ZDHHC24: variants seen among roughly 807,000 people sequenced by gnomAD.
ZDHHC24 encodes the protein probable palmitoyltransferase ZDHHC24.
In ZDHHC24, 17 loss-of-function variants were observed where a neutral mutation model predicts 23.2. The ratio of observed to expected loss-of-function variants is 0.73; its 90% confidence interval spans 0.50 to 1.10. ZDHHC24 has a LOEUF of 1.10. Ranked by LOEUF, ZDHHC24 falls within the 50% of genes least tolerant of loss-of-function variation. The probability of loss-of-function intolerance (pLI) is 0.00; values close to 1 mark genes in which losing one functional copy is unlikely to be tolerated. For synonymous variants in ZDHHC24, 186 were observed against 194.5 expected (o/e 0.96, Z 0.36); for missense variants, 366 against 393.0 (o/e 0.93, Z 0.58).
exon 5 of ZDHHC24, chr11:66,521,421 A>AT (rs772547866): frequency 6.7e-7 from 1 of 1,496,646 alleles, no homozygotes; most frequent in Admixed American, 1.7e-5. Context: ...ACATCTCAGA[A>AT]AACTGGTGGC....
In ZDHHC24 at chr11:66,523,654, C is replaced by T. The variant is rs557602559; in HGVS notation, c.*22-2188G>A. 148 of 1,611,216 alleles carry T rather than the reference C, an allele frequency of 9.2e-5. No homozygotes were observed. In the African/African-American group the frequency reaches 1.7e-3, roughly 19 times the overall value. On this transcript the variant is annotated intron_variant, in intron 4 of 4. Coordinates refer to the ZDHHC24 transcript ENST00000526986. ...CTTGGCAAGAGAGTCCTCTGGCTTCCCCACCCCAGAAACCGTTCTTTCCAC... is the reference window on the plus strand; with the variant it reads ...CTTGGCAAGAGAGTCCTCTGGCTTCTCCACCCCAGAAACCGTTCTTTCCAC...
chr11:66,531,947 A>G (rs761149202), downstream of ZDHHC24: 4 of 1,585,812 alleles, frequency 2.5e-6, no homozygotes, highest in African/African-American at 1.4e-5. Context: ...CCACTCCTCC[A>G]TAGGTGCTGG....
chr11:66,523,297 C>T, intron 4 of ZDHHC24: 1 of 1,001,212 alleles, frequency 1.0e-6, no homozygotes, highest in Non-Finnish European at 1.6e-6. Context: ...CAAGGCCACA[C>T]ATTTACTAAG....
chr11:66,540,469 C>T (rs999172008), intron 2 of ZDHHC24, among the ~76,000 whole-genome samples: 1 of 149,846 alleles, frequency 6.7e-6, no homozygotes, highest in Non-Finnish European at 1.5e-5. Flanking sequence ...ATGGCTCGTG[C>T]CTGTAATCCC....
At chr11:66,521,316 T>A (rs183925461) in exon 5 of ZDHHC24, 1 of 1,614,252 alleles carries the variant, frequency 6.2e-7, no homozygotes, top group African/African-American at 1.3e-5. Flanking sequence ...TCTGGCCAGT[T>A]TGATGTTGAG....
At position 66,536,427 on chromosome 11, in the gene ZDHHC24, G is replaced by T. The variant is rs1157545671; in HGVS notation, c.*3102C>A. On this transcript the variant is annotated 3_prime_UTR_variant, in exon 3 of 3. Transcript: ENST00000310442. ...AAAATTTAGCAGGGCATGATGGTGG[G>T]TGCCTGCAATCCCAGTTACTTGGGA... 6.5e-6 allele frequency: 1 copy of T among 153,400 alleles called. No individual in the cohort carries two copies. Among genetic ancestry groups the T allele is most frequent in the South Asian group, 2.1e-4 (1 of 4,862 alleles). 9.5% of individuals were successfully genotyped at this position (153,400 alleles called of 1,614,324 possible).
intron 3 of ZDHHC24, among the ~76,000 whole-genome samples, chr11:66,527,219 AAG>A (rs148236786): frequency 2.6e-5 from 4 of 151,832 alleles, no homozygotes; most frequent in Admixed American, 6.6e-5. Flanking sequence ...AAAAAAAAAA[AAG>A]AGAGAGAGAG....
rs534306422 is a variant in ZDHHC24 at position 66,538,507 on chromosome 11, G to C, written c.*1022C>G. On this transcript the variant is annotated 3_prime_UTR_variant, in exon 3 of 3. Coordinates refer to ENST00000310442, the MANE Select transcript of ZDHHC24 (RefSeq NM_207340.3). ...CGGGAGGTGGAGGTTACAGTGAACC[G>C]AGATCGTGCCACTGCACTCCAGCCC... is the stretch of plus-strand genomic sequence containing the variant. 2.0e-4 allele frequency: 30 copies of C among 152,190 alleles called. No individual in the cohort carries two copies. Among genetic ancestry groups the C allele is most frequent in the African/African-American group, 7.2e-4 (30 of 41,516 alleles). The allele number at this position is 152,190 out of a possible 1,614,324, so 9.4% of individuals were successfully genotyped here. A position where few individuals can be genotyped will look rare whatever the true frequency, so the allele number is the denominator to read the frequency against.
chr11:66,544,018 G>T (rs891355138), intron 1 of ZDHHC24, 37 bp from the exon 2 acceptor site: 9 of 1,604,652 alleles, frequency 5.6e-6, no homozygotes, highest in Admixed American at 5.0e-5. Context: ...TCCCCCAGCA[G>T]CTCAGATGCC....
intron 2 of ZDHHC24, 46 bp from the exon 3 acceptor site, chr11:66,539,870 G>GA: frequency 1.3e-6 from 2 of 1,484,440 alleles, no homozygotes; most frequent in Admixed American, 4.5e-5. Context: ...AGTGGGGTCC[G>GA]GCTTTCCTGC....
chr11:66,527,426 T>A (rs1035838126), intron 3 of ZDHHC24: 1 of 257,006 alleles, frequency 3.9e-6, no homozygotes, highest in Non-Finnish European at 7.6e-6. Context: ...ATCCCACCAC[T>A]TTGGGAGGCG....
chr11:66,526,911 T>C (rs1856535534), intron 4 of ZDHHC24: 2 of 1,608,698 alleles, frequency 1.2e-6, no homozygotes, highest in Admixed American at 1.7e-5. Context: ...GGAGGAGATC[T>C]CGGCCAACTA....
chr11:66,524,061 C>T (rs951875265), intron 4 of ZDHHC24: 7 of 882,744 alleles, frequency 7.9e-6, no homozygotes, highest in African/African-American at 3.3e-5. Flanking sequence ...GGGCAGATCA[C>T]CTGAGGTAAG....
Position 66,545,671 on chromosome 11 carries a change from C to A in ZDHHC24, c.281+52G>T. The A allele has an allele frequency of 4.2e-6, 6 of 1,437,388 alleles. No homozygotes were observed. In the South Asian group the frequency reaches 4.4e-5, roughly 11 times the overall value. The allele number at this position is 1,437,388 out of a possible 1,614,324, so 89.0% of individuals were successfully genotyped here. On this transcript the variant is annotated intron_variant, in intron 1 of 2. Transcript: ENST00000310442. The surrounding 1 kb of genome is among the most constrained non-coding windows in gnomAD (Gnocchi z 4.5). ...AACATCTCAGGTCTTGGGGCCCCTCCCCCCTGTCCAAGGCTCCCACTTCTC... is the reference window on the plus strand; with the variant it reads ...AACATCTCAGGTCTTGGGGCCCCTCACCCCTGTCCAAGGCTCCCACTTCTC...
rs1206232962 is a variant in ZDHHC24 at position 66,537,453 on chromosome 11, G to T, written c.*2076C>A. The stretch of plus-strand genomic sequence containing the variant: ...GTTCCTGAGCCCCTCCGGGGCTCTG[G>T]CAGGTAATTCCACTTGCCTTTTGGC... On this transcript the variant is annotated 3_prime_UTR_variant, in exon 3 of 3. Coordinates refer to ENST00000310442, the MANE Select transcript of ZDHHC24 (RefSeq NM_207340.3). 6.6e-6 allele frequency: 1 copy of T among 152,034 alleles called. No homozygotes were observed. The highest frequency in any genetic ancestry group is 1.5e-5 in the Non-Finnish European group (1 of 67,994). The allele number at this position is 152,034 out of a possible 1,614,324, so 9.4% of individuals were successfully genotyped here. A position where few individuals can be genotyped will look rare whatever the true frequency, so the allele number is the denominator to read the frequency against.
At chr11:66,522,336 CTT>C (rs748766824) in intron 4 of ZDHHC24, among the ~76,000 whole-genome samples, 11 of 143,160 alleles carry the variant, frequency 7.7e-5, no homozygotes, top group Admixed American at 2.1e-4. Flanking sequence ...ATATAAAATG[CTT>C]TTTTTTTTTT....
chr11:66,534,634 C>T (rs950842902), downstream of ZDHHC24, among the ~76,000 whole-genome samples: 3 of 151,632 alleles, frequency 2.0e-5, no homozygotes, highest in Non-Finnish European at 2.9e-5. Flanking sequence ...CCTGTCCCTA[C>T]CAAAAAAAAT....
At chr11:66,523,383 A>G in intron 4 of ZDHHC24, 3 of 1,609,384 alleles carry the variant, frequency 1.9e-6, no homozygotes, top group Admixed American at 3.3e-5. Context: ...CATGAGGTTT[A>G]GACAGAGGAG....
chr11:66,524,892 TAA>T (rs35475784), intron 4 of ZDHHC24, among the ~76,000 whole-genome samples: 5,564 of 151,352 alleles, frequency 0.037, 139 homozygotes, highest in Non-Finnish European at 0.058. Context: ...CCATCTCTAC[TAA>T]AAATAAACAA....
Sources: gnomAD v4.1 joint callset for allele counts (sites outside exome capture counted in the v4.1 genomes callset) on GRCh38, gnomAD v4.1.1 for gene constraint, Gnocchi (gnomAD v3.1) non-coding constraint, MANE v1.5 for transcripts, NCBI Gene and HGNC (gene_info 2026-07-23, HGNC 2026-07-21) for gene names.